MTA3: variants seen among roughly 807,000 people sequenced by gnomAD.
The protein encoded by MTA3 is metastasis-associated protein MTA3.
A neutral mutation model predicts 83.5 loss-of-function variants in MTA3; 34 were observed. The observed-to-expected ratio is 0.41, with a 90% confidence interval of 0.31 to 0.54. The LOEUF (loss-of-function observed/expected upper bound fraction) is 0.54, where lower values mean the gene tolerates loss of function less well. Ranked by LOEUF, MTA3 falls within the 20% of genes least tolerant of loss-of-function variation. The pLI is 0.33. For synonymous variants in MTA3, 303 were observed against 252.7 expected (o/e 1.20, Z -1.89); for missense variants, 761 against 726.4 (o/e 1.05, Z -0.55).
chr2:42,500,077 T>A lies in MTA3; in HGVS notation c.-141+4823T>A, dbSNP rs578150514. On this transcript the variant is annotated intron_variant, in intron 2 of 17. Transcript: ENST00000405592. Reference sequence around the variant, plus strand: ...TGAGGTCAGGAGTTTGAGACCAGCCTGGGCAACATGGTGAAACTCTGTCTC... The same window carrying A: ...TGAGGTCAGGAGTTTGAGACCAGCCAGGGCAACATGGTGAAACTCTGTCTC... 3.3e-5 allele frequency among the ~76,000 whole-genome samples: 5 copies of A among 152,146 alleles called. No individual in the cohort carries two copies. In the South Asian group the frequency reaches 1.0e-3, roughly 32 times the overall value.
intron 2 of MTA3, among the ~76,000 whole-genome samples, chr2:42,501,676 T>A (rs1296467359): frequency 6.6e-6 from 1 of 152,114 alleles, no homozygotes; most frequent in Non-Finnish European, 1.5e-5. Context: ...GGACAGCCCA[T>A]GCTTAAGACC....
chr2:42,608,645 G>A (rs1683796602), intron 3 of MTA3, among the ~76,000 whole-genome samples: 1 of 152,180 alleles, frequency 6.6e-6, no homozygotes, highest in Admixed American at 6.5e-5. Flanking sequence ...CACTTTGGGA[G>A]GCCAAAGCAG....
intron 8 of MTA3, among the ~76,000 whole-genome samples, chr2:42,661,290 G>C (rs1291064060): frequency 6.6e-6 from 1 of 151,984 alleles, no homozygotes; most frequent in Non-Finnish European, 1.5e-5. Flanking sequence ...CTTGAGCTCA[G>C]GAGTTTGATA....
intron 2 of MTA3, among the ~76,000 whole-genome samples, chr2:42,504,330 C>T (rs539415390): frequency 6.6e-6 from 1 of 152,268 alleles, no homozygotes; most frequent in South Asian, 2.1e-4. Flanking sequence ...ACTTCCACCT[C>T]CCAGGTTCAC....
rs71410118 is a variant in MTA3, at chr2:42,536,858, C to CAAAAA, written c.-140-33564_-140-33560dup. Reference sequence around the variant, plus strand: ...TGGGCAACAGAGTGAGACCCCATCTCAAAAAAAAAAAAAAAAAAAGGGAGT... The same window carrying CAAAAA: ...TGGGCAACAGAGTGAGACCCCATCTCAAAAAAAAAAAAAAAAAAAAAAAAGGGAGT... On this transcript the variant is annotated intron_variant, in intron 2 of 17. Transcript: ENST00000405592. Among the ~76,000 whole-genome samples, 522 of 83,958 alleles carry CAAAAA rather than the reference C, an allele frequency of 6.2e-3. 20 individuals are homozygous for CAAAAA. Among genetic ancestry groups the CAAAAA allele is most frequent in the African/African-American group, 0.014 (280 of 20,614 alleles). The allele number at this position is 83,958 out of a possible 152,430, so 55.1% of individuals were successfully genotyped here. A position where few individuals can be genotyped will look rare whatever the true frequency, so the allele number is the denominator to read the frequency against.
intron 12 of MTA3, 38 bp downstream of exon 12, chr2:42,704,356 C>T: frequency 1.2e-6 from 2 of 1,610,848 alleles, no homozygotes; most frequent in Admixed American, 3.3e-5. Context: ...GCATCGGGAA[C>T]TGTTCTGGCT....
intron 16 of MTA3, among the ~76,000 whole-genome samples, chr2:42,751,808 A>T (rs1296946779): frequency 1.3e-5 from 2 of 152,200 alleles, no homozygotes; most frequent in African/African-American, 2.4e-5. Context: ...CAGATGAATG[A>T]CAGAGCTCCT....
chr2:42,634,335 G>A (rs974520556), intron 4 of MTA3, among the ~76,000 whole-genome samples: 10 of 152,192 alleles, frequency 6.6e-5, no homozygotes, highest in Non-Finnish European at 1.5e-4. Flanking sequence ...AACTACCCGA[G>A]ACTGGGTAAT....
At chr2:42,513,320 G>C (rs1674985339) in intron 2 of MTA3, among the ~76,000 whole-genome samples, 1 of 152,208 alleles carries the variant, frequency 6.6e-6, no homozygotes, top group East Asian at 1.9e-4. Flanking sequence ...TTCAGGTTGG[G>C]ACTGAGAAAG....
At chr2:42,532,839 G>T in intron 2 of MTA3, 1 of 392,912 alleles carries the variant, frequency 2.5e-6, no homozygotes, top group South Asian at 2.4e-5. Context: ...TGCTTCTCTG[G>T]GTGGAGCTGG....
At chr2:42,687,014 C>G (rs1181376063) in intron 9 of MTA3, among the ~76,000 whole-genome samples, 1 of 150,808 alleles carries the variant, frequency 6.6e-6, no homozygotes, top group Admixed American at 6.6e-5. Flanking sequence ...ATAATACCAG[C>G]TACTCAGGAG....
rs1044167047 is a variant in MTA3 at position 42,682,834 on chromosome 2, A to T, written c.891+245A>T. The T allele has an allele frequency of 1.0e-5, 4 of 397,078 alleles. No individual in the cohort carries two copies. The Middle Eastern group carries it at 2.2e-3, about 217-fold the overall frequency. 24.6% of individuals were successfully genotyped at this position (397,078 alleles called of 1,614,324 possible). On this transcript the variant is annotated intron_variant, in intron 9 of 16. Transcript: ENST00000405094. ...ACGTCTGTAATTCCAGGACTTTGGG[A>T]GGCCGAGGTGGGTGAATCACAAGGT... is the stretch of plus-strand genomic sequence containing the variant.
chr2:42,575,008 A>G (rs1174980933), intron 2 of MTA3, among the ~76,000 whole-genome samples: 5 of 152,366 alleles, frequency 3.3e-5, no homozygotes, highest in African/African-American at 7.2e-5. Context: ...ACTATTTACC[A>G]TATCAGTTTA....
intron 3 of MTA3, among the ~76,000 whole-genome samples, chr2:42,599,572 A>T (rs1432979229): frequency 6.6e-6 from 1 of 152,096 alleles, no homozygotes; most frequent in Admixed American, 6.6e-5. Context: ...CCCGGGCGAC[A>T]GTGTGAGACT....
intron 2 of MTA3, among the ~76,000 whole-genome samples, chr2:42,510,311 GAAAA>G (rs1260439717): frequency 4.6e-5 from 4 of 87,376 alleles, no homozygotes; most frequent in Admixed American, 1.3e-4. Flanking sequence ...GGGCGACTCA[GAAAA>G]AAAAAAAAAA....
intron 9 of MTA3, among the ~76,000 whole-genome samples, chr2:42,686,873 C>T (rs1692419385): frequency 6.7e-6 from 1 of 150,352 alleles, no homozygotes; most frequent in Admixed American, 6.7e-5. Context: ...AATCCAAGCA[C>T]TTAGGGAGGC....
At chr2:42,532,507 C>T (rs1160308597) in intron 2 of MTA3, among the ~76,000 whole-genome samples, 1 of 152,002 alleles carries the variant, frequency 6.6e-6, no homozygotes, top group African/African-American at 2.4e-5. Context: ...GAGACGCCAT[C>T]TCAAAAAACA....
At chr2:42,500,525 T>G (rs1674349735) in intron 2 of MTA3, among the ~76,000 whole-genome samples, 1 of 151,866 alleles carries the variant, frequency 6.6e-6, no homozygotes, top group Admixed American at 6.6e-5. Context: ...TGACAGAGGC[T>G]CTCTCAAAAA....
At chr2:42,496,738 A>C (rs913584378) in intron 2 of MTA3, among the ~76,000 whole-genome samples, 1 of 152,018 alleles carries the variant, frequency 6.6e-6, no homozygotes, top group African/African-American at 2.4e-5. Flanking sequence ...GGCTAGAATC[A>C]GGTTTTCTCA....
Sources: allele counts gnomAD v4.1 joint callset (sites outside exome capture counted in the v4.1 genomes callset), GRCh38; gene constraint gnomAD v4.1.1; transcripts MANE v1.5; gene names NCBI Gene and HGNC (gene_info 2026-07-23, HGNC 2026-07-21).